Variants in SOX5 observed in about 807,000 individuals in gnomAD.
The protein encoded by SOX5 is transcription factor SOX-5.
SOX5 carries 9 observed loss-of-function variants against 92.0 expected under a neutral mutation model. That is an observed-to-expected ratio of 0.10 (90% CI 0.06 to 0.17). The LOEUF is 0.17. Among genes scored for constraint, SOX5 ranks in the 10% least tolerant of loss-of-function variants. The pLI, the probability that SOX5 is intolerant of heterozygous loss-of-function variation, is 1.00. For missense variants in SOX5, 642 were observed against 944.5 expected (o/e 0.68, Z 4.20); for synonymous variants, 344 against 336.3 (o/e 1.02, Z -0.25).
In SOX5 at chr12:23,895,812, G is replaced by C. The variant is rs772035716; in HGVS notation, c.251C>G (p.Thr84Ser). ...ACCTACCATTGTATTGTGCTGAGAA[G>C]TGGGAGTCCTATGGCCACAAGTCTC... ...TQETCGHRTP[T>S]SQHNTMEVDG... The change falls in exon 2 of 15, where the codon ACT becomes AGT. Residue 84 changes from threonine to serine, a missense_variant. This residue lies in a region of SOX5 where 113 missense variants were observed against 117.7 expected (regional missense o/e 0.96). Coordinates refer to ENST00000451604, the MANE Select transcript of SOX5 (RefSeq NM_006940.6). 6.2e-7 allele frequency: 1 copy of C among 1,612,100 alleles called. No individual in the cohort carries two copies. The highest frequency in any genetic ancestry group is 1.3e-5 in the African/African-American group (1 of 74,878).
intron 1 of SOX5, among the ~76,000 whole-genome samples, chr12:23,909,277 T>C (rs115906419): frequency 0.014 from 2,195 of 152,322 alleles, 56 homozygotes; most frequent in African/African-American, 0.05. Context: ...CTCTTTTCAA[T>C]CAGTTCTATG....
chr12:23,671,326 G>GTGTAGTCTGA (rs1178345901), intron 6 of SOX5, among the ~76,000 whole-genome samples: 9 of 152,150 alleles, frequency 5.9e-5, no homozygotes, highest in Admixed American at 2.0e-4. Flanking sequence ...AGTCTGATGA[G>GTGTAGTCTGA]TGCTACAGTG....
chr12:24,142,533 G>A (rs1015816910), intron 4 of SOX5, among the ~76,000 whole-genome samples: 17 of 151,826 alleles, frequency 1.1e-4, no homozygotes, highest in Admixed American at 9.8e-4. Flanking sequence ...TACTTTTTAC[G>A]TAAAGCACAA....
chr12:23,534,125 G>A lies in SOX5; in HGVS notation c.*94C>T. On this transcript the variant is annotated 3_prime_UTR_variant, in exon 15 of 15. Transcript: ENST00000451604. ...AGACTAACAGTTAAAGTAACAGTCAGTGTATGAGAAAGTTAATGTGCTTGG... is the reference window on the plus strand; with the variant it reads ...AGACTAACAGTTAAAGTAACAGTCAATGTATGAGAAAGTTAATGTGCTTGG... The A allele has an allele frequency of 1.0e-6, 1 of 980,716 alleles. No individual in the cohort carries two copies. The highest frequency in any genetic ancestry group is 1.5e-5 in the South Asian group (1 of 66,092). The allele number at this position is 980,716 out of a possible 1,614,324, so 60.8% of individuals were successfully genotyped here.
chr12:23,796,153 C>T (rs1020420919), intron 3 of SOX5, among the ~76,000 whole-genome samples: 1 of 152,080 alleles, frequency 6.6e-6, no homozygotes, highest in Non-Finnish European at 1.5e-5. Context: ...GTGTTTAGGA[C>T]TCTAATTACA....
At chr12:24,038,687 GT>G (rs1956268614) in intron 4 of SOX5, among the ~76,000 whole-genome samples, 1 of 152,184 alleles carries the variant, frequency 6.6e-6, no homozygotes, top group African/African-American at 2.4e-5. Context: ...GAAATTACAT[GT>G]TTTAGATTTG....
At chr12:24,304,384 G>A (rs1948335543) in intron 2 of SOX5, among the ~76,000 whole-genome samples, 1 of 152,192 alleles carries the variant, frequency 6.6e-6, no homozygotes, top group Admixed American at 6.5e-5. Context: ...CAAAGAGACT[G>A]TACTATGTTA....
chr12:24,165,789 C>A (rs1953332458), intron 4 of SOX5, among the ~76,000 whole-genome samples: 1 of 151,980 alleles, frequency 6.6e-6, no homozygotes. Flanking sequence ...AGAAGATCAT[C>A]TTTAAAGGGT....
At chr12:23,578,169 C>A in intron 9 of SOX5, among the ~76,000 whole-genome samples, 1 of 120,490 alleles carries the variant, frequency 8.3e-6, no homozygotes, top group Non-Finnish European at 1.8e-5. Flanking sequence ...GCAATATTAT[C>A]CCTAATTGTT....
At chr12:24,021,969 T>G (rs1278585842) in intron 4 of SOX5, among the ~76,000 whole-genome samples, 1 of 152,212 alleles carries the variant, frequency 6.6e-6, no homozygotes, top group East Asian at 1.9e-4. Context: ...TATTATGTAT[T>G]TGTTCACTTC....
intron 1 of SOX5, among the ~76,000 whole-genome samples, chr12:24,554,287 G>T (rs1953529666): frequency 6.6e-6 from 1 of 152,208 alleles, no homozygotes; most frequent in South Asian, 2.1e-4. Context: ...GTATAAACCT[G>T]CCACAATGGA....
At chr12:23,781,674 C>A (rs997645397) in intron 3 of SOX5, among the ~76,000 whole-genome samples, 1 of 152,024 alleles carries the variant, frequency 6.6e-6, no homozygotes, top group Non-Finnish European at 1.5e-5. Flanking sequence ...TACTCTCTCT[C>A]TCTCTCTCCC....
intron 3 of SOX5, among the ~76,000 whole-genome samples, chr12:23,829,671 G>C (rs758105111): frequency 6.6e-6 from 1 of 152,140 alleles, no homozygotes; most frequent in African/African-American, 2.4e-5. Flanking sequence ...AGAAGTACCA[G>C]AAATGCTTGG....
intron 6 of SOX5, among the ~76,000 whole-genome samples, chr12:23,710,233 T>C (rs2091902560): frequency 6.6e-6 from 1 of 152,156 alleles, no homozygotes; most frequent in Admixed American, 6.5e-5. Context: ...TTCAGTGCAA[T>C]ATATGATATA....
intron 4 of SOX5, among the ~76,000 whole-genome samples, chr12:24,144,598 G>A (rs1329778993): frequency 6.6e-6 from 1 of 152,116 alleles, no homozygotes; most frequent in Admixed American, 6.6e-5. Flanking sequence ...TTGACACCAG[G>A]AGTTTGAGAT....
intron 4 of SOX5, among the ~76,000 whole-genome samples, chr12:24,148,877 G>C (rs1489088856): frequency 5.3e-4 from 1 of 1,896 alleles, no homozygotes; most frequent in Non-Finnish European, 8.5e-4. Context: ...GTGACAGAGG[G>C]AGAGGGAGAC....
chr12:23,577,142 T>A (rs1949245922), intron 9 of SOX5, among the ~76,000 whole-genome samples: 1 of 115,334 alleles, frequency 8.7e-6, no homozygotes, highest in African/African-American at 3.2e-5. Flanking sequence ...CAAGTTTATA[T>A]ATATATATAC....
At position 23,591,429 on chromosome 12, in the gene SOX5, T is replaced by C. The variant is rs16926430; in HGVS notation, c.1164+12958A>G. 6.7e-3 allele frequency among the ~76,000 whole-genome samples: 1,027 copies of C among 152,252 alleles called. 11 individuals are homozygous for C. The highest frequency in any genetic ancestry group is 0.022 in the African/African-American group (906 of 41,572). ...GGTCCATCCTATAGAATTGATATCTTCTTCACTTATTTTGTTGTAACTCCA... is the reference window on the plus strand; with the variant it reads ...GGTCCATCCTATAGAATTGATATCTCCTTCACTTATTTTGTTGTAACTCCA... On this transcript the variant is annotated intron_variant, in intron 9 of 14. Coordinates refer to ENST00000451604, the MANE Select transcript of SOX5 (RefSeq NM_006940.6).
At chr12:23,630,670 T>C (rs897078333) in intron 8 of SOX5, among the ~76,000 whole-genome samples, 3 of 152,000 alleles carry the variant, frequency 2.0e-5, no homozygotes, top group African/African-American at 4.8e-5. Context: ...ATGCATTATT[T>C]CATTTAATCC....
Sources: allele counts gnomAD v4.1 joint callset (sites outside exome capture counted in the v4.1 genomes callset), GRCh38; gene constraint gnomAD v4.1.1; regional missense constraint gnomAD v4.1.1; transcripts MANE v1.5; gene names NCBI Gene and HGNC (gene_info 2026-07-23, HGNC 2026-07-21).